The following NLRP11 variants were observed in gnomAD, a reference collection of about 807,000 sequenced individuals.
The protein encoded by NLRP11 is NLR family pyrin domain containing 11.
NLRP11 carries 53 observed loss-of-function variants against 79.3 expected under a neutral mutation model. The ratio of observed to expected loss-of-function variants is 0.67; its 90% CI spans 0.54 to 0.84. The LOEUF is 0.84. Among genes scored for constraint, NLRP11 ranks in the 40% least tolerant of loss-of-function variants. NLRP11 has a pLI of 0.00. For synonymous variants in NLRP11, 518 were observed against 462.6 expected, an observed-to-expected ratio of 1.12 and a Z score of -1.54; for missense variants, 1,264 against 1,255.0, an observed-to-expected ratio of 1.01 and a Z score of -0.11.
chr19:55,790,383 G>A (rs998704451), intron 7 of NLRP11, among the ~76,000 whole-genome samples: 2 of 152,172 alleles, frequency 1.3e-5, no homozygotes, highest in Non-Finnish European at 2.9e-5. Context: ...GAATGGCTGT[G>A]TTCCAGTAAG....
chr19:55,807,034 C>A (rs1482134937), intron 4 of NLRP11, among the ~76,000 whole-genome samples: 1 of 152,164 alleles, frequency 6.6e-6, no homozygotes, highest in Non-Finnish European at 1.5e-5. Context: ...CCCCGTAACA[C>A]CATTATCCTA....
intron 1 of NLRP11, among the ~76,000 whole-genome samples, chr19:55,821,868 C>G (rs1463290432): frequency 1.3e-5 from 2 of 152,248 alleles, no homozygotes; most frequent in African/African-American, 4.8e-5. Context: ...ACCACTGTTT[C>G]TCTTTCTCCC....
At chr19:55,813,334 T>C (rs550870506) in intron 2 of NLRP11, among the ~76,000 whole-genome samples, 4 of 152,226 alleles carry the variant, frequency 2.6e-5, no homozygotes, top group Admixed American at 2.0e-4. Context: ...CAGAGGAAAG[T>C]TACAGGTCAA....
At chr19:55,791,863 T>C (rs764734680) in intron 7 of NLRP11, among the ~76,000 whole-genome samples, 4 of 152,284 alleles carry the variant, frequency 2.6e-5, no homozygotes, top group Non-Finnish European at 5.9e-5. Flanking sequence ...GGCTTGGATA[T>C]GGCCACCTCC....
rs1016574859 is a variant in NLRP11, at chr19:55,817,839, G to T, written c.271+65C>A. Reference sequence around the variant, plus strand: ...TATTTAGAAAAAAAAAAAAAAAAAGGCCCAACACCCAGCTTCCTGTGAAGT... The same window carrying T: ...TATTTAGAAAAAAAAAAAAAAAAAGTCCCAACACCCAGCTTCCTGTGAAGT... On this transcript the variant is annotated intron_variant, in intron 2 of 9. Transcript: ENST00000589093. 1.4e-5 allele frequency: 16 copies of T among 1,132,748 alleles called. No homozygotes were observed. The Admixed American group carries it at 3.4e-4, about 24-fold the overall frequency. 70.2% of individuals were successfully genotyped at this position (1,132,748 alleles called of 1,614,324 possible). A position where few individuals can be genotyped will look rare whatever the true frequency, so the allele number is the denominator to read the frequency against.
In NLRP11 at chr19:55,827,324, C is replaced by T. The variant is rs1433302757; in HGVS notation, c.-63+4639G>A. 3.0e-4 allele frequency among the ~76,000 whole-genome samples: 44 copies of T among 148,154 alleles called. 3 individuals are homozygous for T. The highest frequency in any genetic ancestry group is 3.0e-3 in the Admixed American group (43 of 14,498). On this transcript the variant is annotated intron_variant, in intron 1 of 9. Coordinates refer to ENST00000589093, the Ensembl canonical transcript of NLRP11. ...AACCATAAAAACCCTAGAAGAAAAC[C>T]TAGGCATGACCATTCAGGACATAGG...
chr19:55,834,080 T>C (rs1289633867), upstream of NLRP11, among the ~76,000 whole-genome samples: 1 of 152,070 alleles, frequency 6.6e-6, no homozygotes, highest in Non-Finnish European at 1.5e-5. Flanking sequence ...TGAGTTGGAG[T>C]AGGGAATGAT....
rs191672205 is a variant in NLRP11 at position 55,801,600 on chromosome 19, C to T, written c.2143G>A (p.Glu715Lys). 33 of 1,614,054 alleles carry T rather than the reference C, an allele frequency of 2.0e-5. No homozygotes were observed. The highest frequency in any genetic ancestry group is 8.8e-5 in the South Asian group (8 of 91,074). Residue 715 changes from glutamate (E) to lysine (K), a missense_variant, in exon 5 of 10, where the codon GAG becomes AAG. By Grantham distance (56) the Glu-to-Lys change is moderately conservative. Transcript: ENST00000589093. Reference sequence around the variant, plus strand: ...AGATGACTTATTTGGCATGTGGGCTCGTGCAGGATGTCATGCAGAAGTGAA... The same window carrying T: ...AGATGACTTATTTGGCATGTGGGCTTGTGCAGGATGTCATGCAGAAGTGAA...
At chr19:55,807,978 G>C in exon 4 of NLRP11, 1 of 1,612,828 alleles carries the variant, frequency 6.2e-7, no homozygotes, top group Non-Finnish European at 8.5e-7. Context: ...AAAAAAGAGA[G>C]CAGATCTCTC....
At chr19:55,829,106 G>T (rs1214675620) in intron 1 of NLRP11, among the ~76,000 whole-genome samples, 2 of 152,056 alleles carry the variant, frequency 1.3e-5, no homozygotes, top group East Asian at 1.9e-4. Context: ...TCAGATGAGG[G>T]TATGAAATGT....
chr19:55,811,843 T>C (rs12610400), intron 2 of NLRP11, among the ~76,000 whole-genome samples: 50,646 of 151,892 alleles, frequency 0.33, 8,771 homozygotes, highest in East Asian at 0.42. Context: ...TTTCTTGTTA[T>C]GCAGTTCCTT....
At chr19:55,804,833 G>T (rs981719890) in intron 4 of NLRP11, among the ~76,000 whole-genome samples, 3 of 152,136 alleles carry the variant, frequency 2.0e-5, no homozygotes, top group Non-Finnish European at 4.4e-5. Context: ...GGGAGGCCGA[G>T]ACAGGTGGAT....
chr19:55,828,343 C>G (rs1477014564), intron 1 of NLRP11, among the ~76,000 whole-genome samples: 1 of 151,426 alleles, frequency 6.6e-6, no homozygotes, highest in African/African-American at 2.4e-5. Flanking sequence ...GTGCAGCGCA[C>G]CAGCATGGCA....
chr19:55,818,128 T>A, exon 2 of NLRP11: 1 of 1,614,028 alleles, frequency 6.2e-7, no homozygotes, highest in Non-Finnish European at 8.5e-7. Flanking sequence ...ACTGAGATTC[T>A]CTAGATACCA....
chr19:55,787,350 CCTTT>C (rs1432915933), intron 9 of NLRP11, among the ~76,000 whole-genome samples: 1 of 152,118 alleles, frequency 6.6e-6, no homozygotes, highest in African/African-American at 2.4e-5. Context: ...TGATTTGCTT[CCTTT>C]GAGATGGAGT....
chr19:55,802,743 T>A (rs140553205), intron 4 of NLRP11, among the ~76,000 whole-genome samples: 9,549 of 152,184 alleles, frequency 0.063, 388 homozygotes, highest in Middle Eastern at 0.088. Context: ...GCTGGAGGCA[T>A]CACGCTACCT....
At chr19:55,787,596 C>A (rs1989960781) in intron 9 of NLRP11, among the ~76,000 whole-genome samples, 1 of 152,220 alleles carries the variant, frequency 6.6e-6, no homozygotes, top group Non-Finnish European at 1.5e-5. Context: ...CTTAGCCTTC[C>A]AAAGTGCTGG....
intron 5 of NLRP11, among the ~76,000 whole-genome samples, chr19:55,800,765 T>G (rs957585885): frequency 3.3e-5 from 5 of 152,192 alleles, no homozygotes; most frequent in African/African-American, 1.2e-4. Flanking sequence ...GCGGCGATGT[T>G]CTCTGTGAAA....
chr19:55,823,549 A>G (rs898318659), intron 1 of NLRP11, among the ~76,000 whole-genome samples: 1 of 140,000 alleles, frequency 7.1e-6, no homozygotes, highest in Non-Finnish European at 1.5e-5. Flanking sequence ...TAGAATAACC[A>G]ATACAGAGAA....
Sources: allele counts gnomAD v4.1 joint callset (sites outside exome capture counted in the v4.1 genomes callset), GRCh38; gene constraint gnomAD v4.1.1; transcripts MANE v1.5; gene names NCBI Gene and HGNC (gene_info 2026-07-23, HGNC 2026-07-21).